GRM5: variants seen among roughly 807,000 people sequenced by gnomAD.
GRM5 encodes the protein metabotropic glutamate receptor 5.
A neutral mutation model predicts 83.1 loss-of-function variants in GRM5; 19 were observed. The ratio of observed to expected loss-of-function variants is 0.23; its 90% CI spans 0.16 to 0.34. The LOEUF is 0.34. Ranked by LOEUF, GRM5 falls within the 10% of genes least tolerant of loss-of-function variation. The pLI is 1.00. For missense variants in GRM5, 1,160 were observed against 1,588.3 expected (o/e 0.73, Z 4.58); for synonymous variants, 675 against 633.6 (o/e 1.07, Z -0.98).
chr11:88,903,824 C>T (rs1945358434), intron 2 of GRM5, among the ~76,000 whole-genome samples: 1 of 152,078 alleles, frequency 6.6e-6, no homozygotes. Flanking sequence ...GATGAACACC[C>T]TAAAAGATCT....
chr11:88,839,239 C>A (rs977952636), intron 3 of GRM5, among the ~76,000 whole-genome samples: 7 of 152,068 alleles, frequency 4.6e-5, no homozygotes, highest in African/African-American at 9.7e-5. Context: ...TTTTAAAAAT[C>A]TAAAAATTAT....
intron 2 of GRM5, among the ~76,000 whole-genome samples, chr11:88,962,211 C>G (rs1043498304): frequency 6.6e-6 from 1 of 152,170 alleles, no homozygotes; most frequent in African/African-American, 2.4e-5. Flanking sequence ...TCGCCATGCA[C>G]TCACCAATAC....
intron 2 of GRM5, among the ~76,000 whole-genome samples, chr11:88,911,183 A>G (rs1229234688): frequency 1.2e-4 from 18 of 152,088 alleles, no homozygotes; most frequent in Non-Finnish European, 1.8e-4. Flanking sequence ...AAAAAAAGGG[A>G]CTAGTCCCCA....
intron 2 of GRM5, among the ~76,000 whole-genome samples, chr11:88,922,255 C>T (rs1945706197): frequency 6.6e-6 from 1 of 152,066 alleles, no homozygotes; most frequent in African/African-American, 2.4e-5. Flanking sequence ...TGTGGAACCA[C>T]AAAAGACTCA....
chr11:88,820,196 C>G (rs558495252), intron 3 of GRM5, among the ~76,000 whole-genome samples: 10 of 149,486 alleles, frequency 6.7e-5, no homozygotes, highest in South Asian at 2.1e-4. Flanking sequence ...CTGGGTAACA[C>G]AGTGAAACCC....
intron 2 of GRM5, among the ~76,000 whole-genome samples, chr11:88,957,007 C>G (rs956181865): frequency 6.6e-6 from 1 of 151,662 alleles, no homozygotes; most frequent in African/African-American, 2.4e-5. Context: ...TTAATAAATT[C>G]TCAGTAATTA....
rs773176064 is a variant in GRM5 at position 88,509,499 on chromosome 11, T to C, written c.2732A>G (p.Asn911Ser). Residue 911 changes from asparagine (N) to serine (S), a missense_variant, in exon 10 of 10, where the codon AAT becomes AGT. By Grantham distance (46) the Asn-to-Ser change is conservative. Around this residue, in one of 9 missense-constraint regions of GRM5, gnomAD observed 562 missense variants for 532.4 expected, o/e 1.06. Transcript: ENST00000305447. ...NGGRATMSSS[N>S]GKSVTWAQNE... ...CTGGGCCCACGTGACGGATTTTCCA[T>C]TGGAACTGAGGAGAGAAGGGAGAGG... The C allele has an allele frequency of 2.0e-5, 33 of 1,610,088 alleles. No homozygotes were observed. Among genetic ancestry groups the C allele is most frequent in the South Asian group, 6.6e-5 (6 of 90,748 alleles).
At chr11:88,778,727 T>C (rs1308424166) in intron 3 of GRM5, among the ~76,000 whole-genome samples, 1 of 152,228 alleles carries the variant, frequency 6.6e-6, no homozygotes, top group Admixed American at 6.5e-5. Flanking sequence ...AGAAAGAACC[T>C]ATGGCCCAGA....
intron 3 of GRM5, among the ~76,000 whole-genome samples, chr11:88,723,136 T>C (rs953641202): frequency 7.1e-6 from 1 of 141,656 alleles, no homozygotes; most frequent in Non-Finnish European, 1.5e-5. Context: ...TATGTAGTCT[T>C]TTCAGATTGG....
chr11:88,953,347 G>C (rs1050586036), intron 2 of GRM5, among the ~76,000 whole-genome samples: 4 of 152,122 alleles, frequency 2.6e-5, no homozygotes, highest in African/African-American at 9.7e-5. Flanking sequence ...CCATAGAATT[G>C]GGCAGGTAAT....
In GRM5 at chr11:88,509,297, G is replaced by T. The variant is rs772583927; in HGVS notation, c.2934C>A (p.Gly978=). 1 of 1,506,428 alleles carries T rather than the reference G, an allele frequency of 6.6e-7. No individual in the cohort carries two copies. Among genetic ancestry groups the T allele is most frequent in the Admixed American group, 2.3e-5 (1 of 42,728 alleles). 93.3% of individuals were successfully genotyped at this position (1,506,428 alleles called of 1,614,324 possible). Residue 978 remains glycine, a synonymous_variant, in exon 10 of 10, where the codon GGC becomes GGA. Coordinates refer to ENST00000305447, the MANE Select transcript of GRM5 (RefSeq NM_001143831.3). ...GGCCGGCGCCTGCGCAGCCCGCACC[G>T]CCCGTGGCCCCCACGCCCCCAGCGC... The part of the protein sequence containing the change: ...GGSAGGVGAT[G]GAGCAGAGPG...
intron 8 of GRM5, among the ~76,000 whole-genome samples, chr11:88,555,090 T>C (rs1942595814): frequency 6.6e-6 from 1 of 152,166 alleles, no homozygotes. Flanking sequence ...TTGTGTCCCT[T>C]ACCAGCTATG....
chr11:88,642,014 T>C (rs1386329094), intron 4 of GRM5, among the ~76,000 whole-genome samples: 1 of 152,144 alleles, frequency 6.6e-6, no homozygotes, highest in Non-Finnish European at 1.5e-5. Flanking sequence ...CACTCTTCCC[T>C]GGTAGTGGTT....
chr11:88,928,952 GTTTA>G (rs949336578), intron 2 of GRM5, among the ~76,000 whole-genome samples: 3 of 144,190 alleles, frequency 2.1e-5, no homozygotes, highest in African/African-American at 5.2e-5. Flanking sequence ...ACACTCAAGA[GTTTA>G]TTTCTTTGGT....
intron 2 of GRM5, among the ~76,000 whole-genome samples, chr11:88,974,780 CT>C (rs1342474674): frequency 1.3e-5 from 2 of 152,122 alleles, no homozygotes; most frequent in Non-Finnish European, 2.9e-5. Context: ...TATCTCTCAT[CT>C]CTTTAATGTC....
intron 1 of GRM5, among the ~76,000 whole-genome samples, chr11:89,060,498 A>G (rs1291377489): frequency 1.3e-5 from 2 of 152,128 alleles, no homozygotes; most frequent in Non-Finnish European, 2.9e-5. Context: ...CTGAAAAGGA[A>G]AAACAAATAA....
intron 3 of GRM5, among the ~76,000 whole-genome samples, chr11:88,841,838 A>T (rs1326529373): frequency 6.6e-6 from 1 of 152,188 alleles, no homozygotes; most frequent in Non-Finnish European, 1.5e-5. Flanking sequence ...AATGTGCAAT[A>T]ATCAGGAACA....
At chr11:88,577,469 T>C (rs1019820039) in intron 7 of GRM5, among the ~76,000 whole-genome samples, 4 of 152,144 alleles carry the variant, frequency 2.6e-5, no homozygotes, top group African/African-American at 9.7e-5. Context: ...ACCTACACCA[T>C]TCATACCACT....
chr11:88,958,857 A>T (rs972231243), intron 2 of GRM5, among the ~76,000 whole-genome samples: 1 of 152,170 alleles, frequency 6.6e-6, no homozygotes, highest in African/African-American at 2.4e-5. Flanking sequence ...GTATATTTCC[A>T]TAGAAAATAT....
Sources: gnomAD v4.1 joint callset for allele counts (sites outside exome capture counted in the v4.1 genomes callset) on GRCh38, gnomAD v4.1.1 for gene constraint, gnomAD v4.1.1 regional missense constraint, MANE v1.5 for transcripts, NCBI Gene and HGNC (gene_info 2026-07-23, HGNC 2026-07-21) for gene names.